Variants in NETO1 observed in about 807,000 individuals in gnomAD.
NETO1 encodes neuropilin and tolloid-like protein 1.
A neutral mutation model predicts 61.3 loss-of-function variants in NETO1; 26 were observed. That is an observed-to-expected ratio of 0.42 (90% CI 0.31 to 0.59). The LOEUF is 0.59. Ranked by LOEUF, NETO1 falls within the 20% of genes least tolerant of loss-of-function variation. NETO1 has a pLI of 0.12. For synonymous variants in NETO1, 225 were observed against 225.8 expected, an observed-to-expected ratio of 1.00 and a Z score of 0.03; for missense variants, 531 against 662.8, an observed-to-expected ratio of 0.80 and a Z score of 2.18.
At chr18:72,779,096 A>T (rs923846601) in intron 7 of NETO1, among the ~76,000 whole-genome samples, 1 of 152,208 alleles carries the variant, frequency 6.6e-6, no homozygotes, top group Non-Finnish European at 1.5e-5. Flanking sequence ...AGGCACCAGG[A>T]AAAATATCCA....
At chr18:72,807,739 CACACACACACACACA>C (rs1389423538) in intron 4 of NETO1, among the ~76,000 whole-genome samples, 19 of 59,046 alleles carry the variant, frequency 3.2e-4, no homozygotes, top group Admixed American at 1.2e-3. Flanking sequence ...CACACACACA[CACACACACACACACA>C]CCCATACTGT....
chr18:72,795,126 T>C (rs2072266016), intron 4 of NETO1, among the ~76,000 whole-genome samples: 2 of 152,310 alleles, frequency 1.3e-5, no homozygotes, highest in African/African-American at 4.8e-5. Context: ...AAGCCTGCTG[T>C]GTCATGAGTC....
At chr18:72,828,419 A>G (rs1383225921) in intron 4 of NETO1, among the ~76,000 whole-genome samples, 1 of 51,438 alleles carries the variant, frequency 1.9e-5, no homozygotes, top group Non-Finnish European at 5.5e-5. Flanking sequence ...CAATTATCAA[A>G]CACAGAATAC....
Position 72,867,258 on chromosome 18 carries a change from A to G in NETO1, c.28+6T>C. The G allele has an allele frequency of 6.4e-7, 1 of 1,551,682 alleles. No individual in the cohort carries two copies. The highest frequency in any genetic ancestry group is 8.7e-7 in the Non-Finnish European group (1 of 1,148,286). ...AGCGCACGGGCGCGGCGGGGAGGGT[A>G]CTCACTGTGAAGCACGCTGCGCCCA... On this transcript the variant is annotated splice_donor_region_variant and intron_variant, in intron 1 of 10. Transcript: ENST00000327305.
chr18:72,756,818 G>C (rs368628208), intron 7 of NETO1, among the ~76,000 whole-genome samples: 33 of 152,160 alleles, frequency 2.2e-4, no homozygotes, highest in African/African-American at 7.9e-4. Context: ...AGGGGACTGA[G>C]AGGTAAAATA....
intron 4 of NETO1, among the ~76,000 whole-genome samples, chr18:72,814,468 A>G (rs2072966415): frequency 6.6e-6 from 1 of 151,890 alleles, no homozygotes; most frequent in Non-Finnish European, 1.5e-5. Flanking sequence ...GTAGAAACTA[A>G]AAAAGAAAAA....
In NETO1 at chr18:72,864,858, T is replaced by C. The variant is rs1311062294; in HGVS notation, c.170A>G (p.Asn57Ser). The change falls in exon 3 of 11, where the codon AAC becomes AGC. Residue 57 changes from asparagine (N) to serine (S), a missense_variant. By Grantham distance (46) the Asn-to-Ser change is conservative. Coordinates refer to ENST00000327305, the MANE Select transcript of NETO1 (RefSeq NM_138966.5). Reference sequence around the variant, plus strand: ...GTCAGGGGGATACTTGCTGGGATAGTTGGGAGAGGTAAAGATACCTCCCTC... The same window carrying C: ...GTCAGGGGGATACTTGCTGGGATAGCTGGGAGAGGTAAAGATACCTCCCTC... ...HAEGGIFTSP[N>S]YPSKYPPDRE... The C allele has an allele frequency of 1.2e-6, 2 of 1,614,146 alleles. No individual in the cohort carries two copies. The highest frequency in any genetic ancestry group is 1.1e-5 in the South Asian group (1 of 91,080).
At chr18:72,845,563 G>A (rs2074057574) in intron 4 of NETO1, among the ~76,000 whole-genome samples, 1 of 152,180 alleles carries the variant, frequency 6.6e-6, no homozygotes, top group South Asian at 2.1e-4. Context: ...TGGTCAGTAT[G>A]TCTCAAAACA....
intron 1 of NETO1, 34 bp from the exon 2 acceptor site, chr18:72,865,275 C>T: frequency 1.4e-6 from 2 of 1,478,982 alleles, no homozygotes; most frequent in South Asian, 1.2e-5. Context: ...AGATAAAATA[C>T]ACTGAAATGA....
chr18:72,826,933 AAC>A (rs1249257672), intron 4 of NETO1, among the ~76,000 whole-genome samples: 1 of 152,084 alleles, frequency 6.6e-6, no homozygotes, highest in African/African-American at 2.4e-5. Context: ...GGGGGGCTGG[AAC>A]AGTGCCCGCG....
chr18:72,760,202 G>C (rs1265039340), intron 7 of NETO1, among the ~76,000 whole-genome samples: 1 of 152,266 alleles, frequency 6.6e-6, no homozygotes, highest in African/African-American at 2.4e-5. Flanking sequence ...ATTCTAGTCA[G>C]CCAAAATAAT....
At chr18:72,796,973 T>C (rs1474501083) in intron 4 of NETO1, among the ~76,000 whole-genome samples, 2 of 152,168 alleles carry the variant, frequency 1.3e-5, no homozygotes, top group African/African-American at 2.4e-5. Context: ...ATGTTTTGCA[T>C]AGCACTGCTA....
Position 72,747,415 on chromosome 18 carries a change from A to G in NETO1, c.*764T>C, listed in dbSNP as rs1364561536. On this transcript the variant is annotated 3_prime_UTR_variant, in exon 11 of 11. Transcript: ENST00000327305. ...TGCAGGGTATTTTCTCAAACTGTCA[A>G]TTTGGTCATATTGCTGAGTGCTTAA... is the stretch of plus-strand genomic sequence containing the variant. 2 of 152,078 alleles carry G rather than the reference A, an allele frequency of 1.3e-5. No homozygotes were observed. The highest frequency in any genetic ancestry group is 2.9e-5 in the Non-Finnish European group (2 of 67,972). The allele number at this position is 152,078 out of a possible 1,614,324, so 9.4% of individuals were successfully genotyped here.
chr18:72,750,264 G>C lies in NETO1; in HGVS notation c.1339C>G (p.Leu447Val), dbSNP rs781684538. 6.2e-7 allele frequency: 1 copy of C among 1,614,068 alleles called. No individual in the cohort carries two copies. The highest frequency in any genetic ancestry group is 1.1e-5 in the South Asian group (1 of 91,086). The change falls in exon 9 of 11, where the codon CTC (leucine) becomes GTC (valine). Residue 447 changes from leucine to valine, a missense_variant. Physicochemically the swap from Leu to Val is conservative, Grantham distance 32 (BLOSUM62 1). Transcript: ENST00000327305. ...LSSTKGSRSNLSTRDASILTE... is the reference protein window; with the variant it reads ...LSSTKGSRSNVSTRDASILTE... The stretch of plus-strand genomic sequence containing the variant: ...AAGATAGAAGCATCTCTTGTGCTGA[G>C]GTTACTGCGGCTGCCTTTAGTGCTG...
chr18:72,791,472 C>T (rs72966362), intron 6 of NETO1, among the ~76,000 whole-genome samples: 2,264 of 152,318 alleles, frequency 0.015, 23 homozygotes, highest in Non-Finnish European at 0.023. Context: ...CACTTCCCAT[C>T]CTCTAACCTT....
In NETO1 at chr18:72,746,549, T is replaced by C. The variant is rs1404429791; in HGVS notation, c.*1630A>G. ...GTTTATAATGGCTATGATAACTCTTTGACTTTTCTATTATAAAAATTTATT... is the reference window on the plus strand; with the variant it reads ...GTTTATAATGGCTATGATAACTCTTCGACTTTTCTATTATAAAAATTTATT... On this transcript the variant is annotated 3_prime_UTR_variant, in exon 11 of 11. Coordinates refer to ENST00000327305, the MANE Select transcript of NETO1 (RefSeq NM_138966.5). 6.6e-6 allele frequency among the ~76,000 whole-genome samples: 1 copy of C among 152,096 alleles called. No homozygotes were observed. Among genetic ancestry groups the C allele is most frequent in the East Asian group, 1.9e-4 (1 of 5,204 alleles).
At chr18:72,797,285 G>A (rs1239506681) in intron 4 of NETO1, among the ~76,000 whole-genome samples, 1 of 152,132 alleles carries the variant, frequency 6.6e-6, no homozygotes, top group African/African-American at 2.4e-5. Flanking sequence ...GCAATGTAGA[G>A]AGAAATGCCA....
chr18:72,822,416 A>G (rs544379730), intron 4 of NETO1, among the ~76,000 whole-genome samples: 2 of 152,266 alleles, frequency 1.3e-5, no homozygotes, highest in African/African-American at 4.8e-5. Context: ...AACAAGAAGG[A>G]CAGCTCAGGA....
intron 4 of NETO1, chr18:72,835,101 A>G (rs988244126): frequency 3.5e-6 from 4 of 1,145,126 alleles, no homozygotes; most frequent in Non-Finnish European, 4.3e-6. Flanking sequence ...TAGGAGTTCT[A>G]ATTTACTAAG....
Sources: gnomAD v4.1 joint callset for allele counts (sites outside exome capture counted in the v4.1 genomes callset) on GRCh38, gnomAD v4.1.1 for gene constraint, MANE v1.5 for transcripts, NCBI Gene and HGNC (gene_info 2026-07-23, HGNC 2026-07-21) for gene names.